ADCY3: variants seen among roughly 807,000 people sequenced by gnomAD.
The protein encoded by ADCY3 is adenylate cyclase 3, also known as adenylate cyclase type 3.
ADCY3 carries 70 observed loss-of-function variants against 119.4 expected under a neutral mutation model. That is an observed-to-expected ratio of 0.59 (90% CI 0.48 to 0.72). The LOEUF is 0.72. Among genes scored for constraint, ADCY3 ranks in the 30% least tolerant of loss-of-function variants. The pLI is 0.00. For synonymous variants in ADCY3, 672 were observed against 621.4 expected, an observed-to-expected ratio of 1.08 and a Z score of -1.21; for missense variants, 1,238 against 1,541.6, an observed-to-expected ratio of 0.80 and a Z score of 3.30.
chr2:24,900,169 G>T (rs1678737921), intron 2 of ADCY3, among the ~76,000 whole-genome samples: 1 of 138,856 alleles, frequency 7.2e-6, no homozygotes, highest in African/African-American at 3.1e-5. Flanking sequence ...GGAGTGCAGT[G>T]GCGAAATCTC....
At chr2:24,901,925 T>C (rs7560156) in intron 2 of ADCY3, among the ~76,000 whole-genome samples, 49,360 of 151,720 alleles carry the variant, frequency 0.33, 8,188 homozygotes, top group East Asian at 0.38. Context: ...AACAAACTAT[T>C]TAAAATACAT....
Position 24,842,812 on chromosome 2 carries a change from G to A in ADCY3, c.826-428C>T, listed in dbSNP as rs918910448. Among the ~76,000 whole-genome samples, 4 of 152,216 alleles carry A rather than the reference G, an allele frequency of 2.6e-5. No homozygotes were observed. Among genetic ancestry groups the A allele is most frequent in the Admixed American group, 2.6e-4 (4 of 15,276 alleles). Reference sequence around the variant, plus strand: ...TTCTGCTTTGACCTGATCAAAGACTGACAGCAGACCAGGCACTACACGAGG... The same window carrying A: ...TTCTGCTTTGACCTGATCAAAGACTAACAGCAGACCAGGCACTACACGAGG... On this transcript the variant is annotated intron_variant, in intron 3 of 21. Transcript: ENST00000679454. This position sits in a 1 kb window ranked among gnomAD's most constrained non-coding sequence, Gnocchi z 4.9.
rs531537464 is a variant in ADCY3 at position 24,828,757 on chromosome 2, G to A, written c.2173-596C>T. ...ACCTTGTCTTGCTTGCGCGATTCCC[G>A]CCATGTCATTCTAGCATGAGCAGTT... is the stretch of plus-strand genomic sequence containing the variant. On this transcript the variant is annotated intron_variant, in intron 13 of 21. Coordinates refer to ENST00000679454, the MANE Select transcript of ADCY3 (RefSeq NM_004036.5). Among the ~76,000 whole-genome samples the A allele has an allele frequency of 7.9e-4, 121 of 152,296 alleles. 1 individual carries two copies. Among genetic ancestry groups the A allele is most frequent in the African/African-American group, 2.8e-3 (115 of 41,566 alleles).
chr2:24,840,719 A>T, intron 6 of ADCY3: 1 of 357,174 alleles, frequency 2.8e-6, no homozygotes, highest in Non-Finnish European at 5.9e-6. Flanking sequence ...CTGCAAGCCC[A>T]CTTGGAGCAG....
intron 3 of ADCY3, among the ~76,000 whole-genome samples, chr2:24,855,383 T>C (rs1558458999): frequency 6.6e-6 from 1 of 152,152 alleles, no homozygotes; most frequent in African/African-American, 2.4e-5. Context: ...TGTGCTGCCC[T>C]GAGAGGTGGT....
intron 2 of ADCY3, among the ~76,000 whole-genome samples, chr2:24,887,229 G>A (rs1291964989): frequency 1.3e-5 from 2 of 152,144 alleles, no homozygotes; most frequent in Non-Finnish European, 1.5e-5. Flanking sequence ...CGGATCTTGT[G>A]AGAACTCACT....
intron 3 of ADCY3, among the ~76,000 whole-genome samples, chr2:24,857,455 C>T (rs573093646): frequency 2.8e-4 from 42 of 152,390 alleles, no homozygotes; most frequent in African/African-American, 1.0e-3. Flanking sequence ...CAGAAATGTT[C>T]TGTATCTTTG....
chr2:24,874,995 G>A (rs1675496788), intron 2 of ADCY3, among the ~76,000 whole-genome samples: 1 of 152,162 alleles, frequency 6.6e-6, no homozygotes, highest in Non-Finnish European at 1.5e-5. Context: ...AGTTGTTCTG[G>A]TGGGCTGCAC....
intron 19 of ADCY3, 89 bp from the exon 20 acceptor site, chr2:24,821,729 G>C: frequency 1.9e-6 from 3 of 1,546,220 alleles, no homozygotes; most frequent in Non-Finnish European, 2.6e-6. Context: ...TCTGGGGGTG[G>C]ATTCCCTACA....
At position 24,909,910 on chromosome 2, in the gene ADCY3, T is replaced by C. The variant is rs150018934; in HGVS notation, c.675+8403A>G. On this transcript the variant is annotated intron_variant, in intron 2 of 21. Coordinates refer to ENST00000679454, the MANE Select transcript of ADCY3 (RefSeq NM_004036.5). ...AGCCTGGACTTCTTGTAGCCGATAG[T>C]GATGAGCCTAACCTTTAAAAACTGT... Among the ~76,000 whole-genome samples, 584 of 152,336 alleles carry C rather than the reference T, an allele frequency of 3.8e-3. 4 individuals are homozygous for C. The highest frequency in any genetic ancestry group is 0.013 in the African/African-American group (554 of 41,574).
intron 15 of ADCY3, chr2:24,826,839 AATAG>A (rs1423547855): frequency 6.6e-6 from 1 of 152,618 alleles, no homozygotes; most frequent in Non-Finnish European, 1.5e-5. Flanking sequence ...AACCTTACTA[AATAG>A]ATCAAAATAT....
intron 21 of ADCY3, chr2:24,820,409 C>CTGTCCCTT: frequency 1.5e-6 from 2 of 1,323,932 alleles, no homozygotes; most frequent in Non-Finnish European, 1.9e-6. Context: ...GCCTGCTCTT[C>CTGTCCCTT]TGTCCCTTTG....
chr2:24,889,756 A>C (rs1677461447), intron 2 of ADCY3, among the ~76,000 whole-genome samples: 2 of 152,234 alleles, frequency 1.3e-5, no homozygotes, highest in Non-Finnish European at 2.9e-5. Context: ...GAATCGCTTG[A>C]ACCCGGGAGG....
intron 2 of ADCY3, among the ~76,000 whole-genome samples, chr2:24,915,788 G>A (rs1005369960): frequency 2.0e-5 from 3 of 152,118 alleles, no homozygotes; most frequent in Non-Finnish European, 4.4e-5. Flanking sequence ...TGATCCGCCC[G>A]CCTCAGCCTG....
At chr2:24,870,514 C>T (rs996661711) in intron 3 of ADCY3, among the ~76,000 whole-genome samples, 1 of 152,116 alleles carries the variant, frequency 6.6e-6, no homozygotes, top group Non-Finnish European at 1.5e-5. Context: ...ATGCACCTTA[C>T]CCCTCAACTC....
At chr2:24,822,768 C>A in intron 18 of ADCY3, 138 bp from the exon 19 acceptor site, 1 of 1,172,152 alleles carries the variant, frequency 8.5e-7, no homozygotes. Flanking sequence ...CTTAGTCTAC[C>A]GCTTATCTGC....
chr2:24,843,166 G>A (rs73923441), intron 3 of ADCY3, among the ~76,000 whole-genome samples: 3,462 of 152,306 alleles, frequency 0.023, 138 homozygotes, highest in African/African-American at 0.078. Context: ...CAGAAACATG[G>A]CTTGAGAGCT....
chr2:24,827,026 C>G (rs888747222), intron 15 of ADCY3, among the ~76,000 whole-genome samples: 11 of 152,124 alleles, frequency 7.2e-5, no homozygotes, highest in Non-Finnish European at 1.6e-4. Context: ...ATTTAGAGTT[C>G]TTCTTTTGCT....
At chr2:24,903,247 C>T (rs990124804) in intron 2 of ADCY3, among the ~76,000 whole-genome samples, 7 of 152,032 alleles carry the variant, frequency 4.6e-5, no homozygotes, top group South Asian at 4.1e-4. Flanking sequence ...TATGCTGAAG[C>T]CATCTTTTGA....
Sources: gnomAD v4.1 joint callset for allele counts (sites outside exome capture counted in the v4.1 genomes callset) on GRCh38, gnomAD v4.1.1 for gene constraint, Gnocchi (gnomAD v3.1) non-coding constraint, MANE v1.5 for transcripts, NCBI Gene and HGNC (gene_info 2026-07-23, HGNC 2026-07-21) for gene names.